Variants in LPIN2 observed in about 807,000 individuals in gnomAD.
LPIN2 encodes the protein phosphatidate phosphatase LPIN2.
In LPIN2, 55 loss-of-function variants were observed where a neutral mutation model predicts 111.4. The observed-to-expected ratio is 0.49, with a 90% confidence interval of 0.40 to 0.62. The LOEUF is 0.62. Ranked by LOEUF, LPIN2 falls within the 20% of genes least tolerant of loss-of-function variation. LPIN2 has a pLI of 0.00. For synonymous variants in LPIN2, 425 were observed against 414.0 expected (o/e 1.03, Z -0.32); for missense variants, 992 against 1,112.1 (o/e 0.89, Z 1.54).
Position 2,929,066 on chromosome 18 carries a change from G to C in LPIN2, c.1549C>G (p.Arg517Gly). 6.4e-7 allele frequency: 1 copy of C among 1,560,890 alleles called. No homozygotes were observed. Among genetic ancestry groups the C allele is most frequent in the Non-Finnish European group, 8.8e-7 (1 of 1,132,354 alleles). Reference sequence around the variant, plus strand: ...AATTATAAAAGCAGGAGTATTTACCGATTATATATCCTTATTACAAGGTTA... The same window carrying C: ...AATTATAAAAGCAGGAGTATTTACCCATTATATATCCTTATTACAAGGTTA... ...NPNLVIRIYN[R>G]YYNWALAAPM... The change falls in exon 10 of 20, where the codon CGT becomes GGT. Residue 517 changes from arginine (R) to glycine (G), a missense_variant and splice_region_variant. Arg to Gly is a moderately radical substitution (Grantham distance 125). This residue lies in a region of LPIN2 where 709 missense variants were observed against 753.2 expected (regional missense o/e 0.94). Transcript: ENST00000677752.
At chr18:2,990,681 C>T (rs2078252284) in intron 1 of LPIN2, 1 of 282,174 alleles carries the variant, frequency 3.5e-6, no homozygotes, top group Non-Finnish European at 7.1e-6. Flanking sequence ...TCATCCATGA[C>T]TCTCCATTTA....
chr18:2,989,757 C>CA (rs2078237143), intron 1 of LPIN2, among the ~76,000 whole-genome samples: 2 of 151,952 alleles, frequency 1.3e-5, no homozygotes, highest in South Asian at 2.1e-4. Context: ...CCCGCCTCTA[C>CA]AAAAAATACA....
intron 16 of LPIN2, among the ~76,000 whole-genome samples, chr18:2,923,420 C>CAAAAAA (rs869052239): frequency 1.9e-4 from 5 of 26,586 alleles, no homozygotes; most frequent in Admixed American, 1.1e-3. Flanking sequence ...AACTCCATCT[C>CAAAAAA]AAAAAAAAAA....
rs1350283090 is a variant in LPIN2, at chr18:2,987,281, A to G, written c.-10+25806T>C. ...CAGGGGTGGCTCAGTGCATCACAAC[A>G]CTGAGGCCAAGTGAAGGTGCTGGAA... is the stretch of plus-strand genomic sequence containing the variant. On this transcript the variant is annotated intron_variant, in intron 1 of 19. Transcript: ENST00000677752. 2.6e-5 allele frequency among the ~76,000 whole-genome samples: 4 copies of G among 152,282 alleles called. No individual in the cohort carries two copies. The East Asian group carries it at 7.7e-4, about 29-fold the overall frequency.
At position 2,925,497 on chromosome 18, in the gene LPIN2, C is replaced by A; in HGVS notation, c.1794-129G>T. 8.3e-7 allele frequency: 1 copy of A among 1,206,862 alleles called. No individual in the cohort carries two copies. Among genetic ancestry groups the A allele is most frequent in the Non-Finnish European group, 1.2e-6 (1 of 835,820 alleles). The allele number at this position is 1,206,862 out of a possible 1,614,324, so 74.8% of individuals were successfully genotyped here. On this transcript the variant is annotated intron_variant, in intron 13 of 19. Transcript: ENST00000677752. The surrounding 1 kb of genome is among the most constrained non-coding windows in gnomAD (Gnocchi z 4.1). ...GGAATGGGTAGAGTTATCCCTTCTG[C>A]CATTCTCCCATATCCACAGCTCTGT... is the stretch of plus-strand genomic sequence containing the variant.
chr18:2,999,746 G>A (rs752610912), intron 1 of LPIN2, among the ~76,000 whole-genome samples: 3 of 152,132 alleles, frequency 2.0e-5, no homozygotes, highest in Non-Finnish European at 2.9e-5. Flanking sequence ...CCCACCAGCA[G>A]CTAGGAGAGG....
chr18:3,008,746 G>A (rs2078554848), intron 1 of LPIN2, among the ~76,000 whole-genome samples: 1 of 152,010 alleles, frequency 6.6e-6, no homozygotes, highest in Non-Finnish European at 1.5e-5. Flanking sequence ...TTCAGACTCA[G>A]GGTTCTACTG....
intron 1 of LPIN2, among the ~76,000 whole-genome samples, chr18:3,007,529 G>A (rs2078534888): frequency 2.0e-5 from 3 of 152,218 alleles, no homozygotes; most frequent in Non-Finnish European, 4.4e-5. Flanking sequence ...AATGTAATAT[G>A]TGGACAGACG....
intron 13 of LPIN2, 65 bp downstream of exon 13, chr18:2,926,658 T>G: frequency 7.1e-7 from 1 of 1,418,106 alleles, no homozygotes; most frequent in Non-Finnish European, 9.8e-7. Context: ...CAAAATCAAC[T>G]TAGAAGTAAT....
Position 2,939,718 on chromosome 18 carries a change from T to C in LPIN2, c.699-115A>G, listed in dbSNP as rs1423089797. 32 of 1,117,070 alleles carry C rather than the reference T, an allele frequency of 2.9e-5. No homozygotes were observed. The Middle Eastern group carries it at 8.9e-4, about 31-fold the overall frequency. 69.2% of individuals were successfully genotyped at this position (1,117,070 alleles called of 1,614,324 possible). On this transcript the variant is annotated intron_variant, in intron 5 of 19. Coordinates refer to ENST00000677752, the MANE Select transcript of LPIN2 (RefSeq NM_001375808.2). ...ATATCTTGACTTTATCCTGCATATATAAAAACTCTATGGAAGGGAGCATCA... is the reference window on the plus strand; with the variant it reads ...ATATCTTGACTTTATCCTGCATATACAAAAACTCTATGGAAGGGAGCATCA...
intron 1 of LPIN2, among the ~76,000 whole-genome samples, chr18:3,005,026 G>C (rs565892916): frequency 1.2e-4 from 19 of 152,234 alleles, no homozygotes; most frequent in African/African-American, 4.6e-4. Flanking sequence ...CTATCTCTCT[G>C]TTACCAATTT....
intron 1 of LPIN2, among the ~76,000 whole-genome samples, chr18:2,989,683 G>A (rs2078235712): frequency 6.6e-6 from 1 of 152,148 alleles, no homozygotes; most frequent in Non-Finnish European, 1.5e-5. Context: ...CACTTTGGGA[G>A]GCCAATGCGG....
chr18:2,968,179 C>T (rs1368270553), intron 1 of LPIN2, among the ~76,000 whole-genome samples: 3 of 152,302 alleles, frequency 2.0e-5, no homozygotes, highest in South Asian at 2.1e-4. Flanking sequence ...ACTCTGTAAA[C>T]GAAAACCCAG....
chr18:2,932,639 G>C (rs769975012), intron 8 of LPIN2, among the ~76,000 whole-genome samples: 1 of 152,278 alleles, frequency 6.6e-6, no homozygotes, highest in East Asian at 1.9e-4. Flanking sequence ...CTCTTTCTCC[G>C]GGGCACACGG....
At chr18:2,942,879 A>G (rs2077384427) in intron 4 of LPIN2, among the ~76,000 whole-genome samples, 1 of 152,262 alleles carries the variant, frequency 6.6e-6, no homozygotes, top group African/African-American at 2.4e-5. Context: ...CGTACACAGT[A>G]GAATGTGAAG....
chr18:3,000,977 GGAGA>G, intron 1 of LPIN2, among the ~76,000 whole-genome samples: 1 of 134,270 alleles, frequency 7.4e-6, no homozygotes, highest in South Asian at 2.7e-4. Context: ...AAAAGAGGGG[GGAGA>G]GGGAGGGAGA....
intron 1 of LPIN2, among the ~76,000 whole-genome samples, chr18:3,012,545 G>T (rs1386284598): frequency 6.6e-6 from 1 of 152,204 alleles, no homozygotes; most frequent in Non-Finnish European, 1.5e-5. Context: ...CACACAGCTT[G>T]AAGGCGGAGG....
At chr18:2,921,168 C>A in intron 18 of LPIN2, 2 of 555,418 alleles carry the variant, frequency 3.6e-6, no homozygotes, top group South Asian at 2.0e-5. Flanking sequence ...GATGGCCCTG[C>A]AGAAGGGAGG....
intron 1 of LPIN2, among the ~76,000 whole-genome samples, chr18:2,988,913 C>A (rs2078224057): frequency 6.6e-6 from 1 of 152,158 alleles, no homozygotes; most frequent in African/African-American, 2.4e-5. Context: ...GTGTAAAAAT[C>A]TTCAGCCTTT....
Sources: allele counts gnomAD v4.1 joint callset (sites outside exome capture counted in the v4.1 genomes callset), GRCh38; gene constraint gnomAD v4.1.1; regional missense constraint gnomAD v4.1.1; non-coding constraint Gnocchi (gnomAD v3.1); transcripts MANE v1.5; gene names NCBI Gene and HGNC (gene_info 2026-07-23, HGNC 2026-07-21).